Variants in UNC13C observed in about 807,000 individuals in gnomAD.
UNC13C encodes protein unc-13 homolog C.
UNC13C carries 174 observed loss-of-function variants against 245.4 expected under a neutral mutation model. The ratio of observed to expected loss-of-function variants is 0.71; its 90% CI spans 0.63 to 0.80. The LOEUF is 0.80. Among genes scored for constraint, UNC13C ranks in the 30% least tolerant of loss-of-function variants. The pLI, the probability that UNC13C is intolerant of heterozygous loss-of-function variation, is 0.00. For missense variants in UNC13C, 2,829 were observed against 2,602.9 expected, an observed-to-expected ratio of 1.09 and a Z score of -1.89; for synonymous variants, 992 against 895.1, an observed-to-expected ratio of 1.11 and a Z score of -1.93.
intron 24 of UNC13C, among the ~76,000 whole-genome samples, chr15:54,513,802 TA>T (rs1480767971): frequency 8.8e-6 from 1 of 113,234 alleles, no homozygotes; most frequent in Non-Finnish European, 1.8e-5. Context: ...TTTTTCTAAA[TA>T]TTTTTTTTCA....
At chr15:53,972,355 C>G in the UNC13C span, among the ~76,000 whole-genome samples, 1 of 152,152 alleles carries the variant, frequency 6.6e-6, no homozygotes, top group Non-Finnish European at 1.5e-5. Flanking sequence ...AACTAGGAAA[C>G]GGGAGAATCT....
rs571944782 is a variant in UNC13C at position 54,514,480 on chromosome 15, A to G, written c.5457+2650A>G. 5.9e-5 allele frequency among the ~76,000 whole-genome samples: 9 copies of G among 152,336 alleles called. No individual in the cohort carries two copies. The South Asian group carries it at 1.4e-3, about 25-fold the overall frequency. On this transcript the variant is annotated intron_variant, in intron 24 of 32. Transcript: ENST00000260323. ...TATCCCCCACCATCTGTGCTGATAT[A>G]TGTACTTCTTGCTATAAAAATTAAA...
At chr15:54,348,230 G>A (rs1041711596) in intron 17 of UNC13C, among the ~76,000 whole-genome samples, 9 of 151,952 alleles carry the variant, frequency 5.9e-5, no homozygotes, top group African/African-American at 1.9e-4. Context: ...TAAAAAATTC[G>A]GTATGGTCTC....
chr15:54,280,044 G>A (rs897441695), intron 10 of UNC13C, among the ~76,000 whole-genome samples: 1 of 152,108 alleles, frequency 6.6e-6, no homozygotes, highest in African/African-American at 2.4e-5. Flanking sequence ...TAATGTGTGT[G>A]TATACAGATA....
intron 19 of UNC13C, among the ~76,000 whole-genome samples, chr15:54,476,542 C>T (rs1892753444): frequency 6.6e-6 from 1 of 151,626 alleles, no homozygotes; most frequent in Non-Finnish European, 1.5e-5. Flanking sequence ...GCCAGTTTTC[C>T]CAGCACCATT....
chr15:54,204,351 A>G (rs904682874), intron 4 of UNC13C, among the ~76,000 whole-genome samples: 2 of 151,066 alleles, frequency 1.3e-5, no homozygotes, highest in Non-Finnish European at 3.0e-5. Context: ...GTTTTTACAT[A>G]CTGTCAATAA....
chr15:54,099,156 G>C (rs566501873), intron 2 of UNC13C, among the ~76,000 whole-genome samples: 4 of 152,298 alleles, frequency 2.6e-5, no homozygotes, highest in Admixed American at 6.5e-5. Flanking sequence ...GTCAAGAGTA[G>C]AACCAAAAGT....
intron 14 of UNC13C, among the ~76,000 whole-genome samples, chr15:54,325,135 A>G (rs2140984982): frequency 6.6e-6 from 1 of 152,166 alleles, no homozygotes; most frequent in South Asian, 2.1e-4. Context: ...AATATGATAC[A>G]GTCATTAAAA....
chr15:54,060,953 A>T (rs1299424750), intron 2 of UNC13C, among the ~76,000 whole-genome samples: 5 of 150,888 alleles, frequency 3.3e-5, no homozygotes, highest in Non-Finnish European at 5.9e-5. Context: ...AACATCACAC[A>T]CCGGGGACTG....
chr15:53,906,973 T>C, the UNC13C span, among the ~76,000 whole-genome samples: 1 of 145,914 alleles, frequency 6.9e-6, no homozygotes, highest in Non-Finnish European at 1.6e-5. Flanking sequence ...ACCACCCTCA[T>C]AATCCAACCA....
At chr15:54,455,201 CTCTCTATATATA>C (rs1285862101) in intron 19 of UNC13C, among the ~76,000 whole-genome samples, 6 of 33,284 alleles carry the variant, frequency 1.8e-4, no homozygotes, top group South Asian at 2.1e-3. Flanking sequence ...CTCTCTCTCT[CTCTCTATATATA>C]TATATATATA....
In UNC13C at chr15:54,303,819, G is replaced by A. The variant is rs1181986719; in HGVS notation, c.4268+3446G>A. Among the ~76,000 whole-genome samples the A allele has an allele frequency of 5.3e-5, 8 of 152,098 alleles. No homozygotes were observed. The East Asian group carries it at 5.8e-4, about 11-fold the overall frequency. On this transcript the variant is annotated intron_variant, in intron 13 of 32. Transcript: ENST00000260323. The stretch of plus-strand genomic sequence containing the variant: ...GTACATTGGTTCCATCCAGAAAGGC[G>A]GGGTCAACTCACAGCAAGGAGGGGG...
chr15:54,426,805 C>T (rs1212971675), intron 19 of UNC13C, among the ~76,000 whole-genome samples: 1 of 151,742 alleles, frequency 6.6e-6, no homozygotes, highest in African/African-American at 2.4e-5. Context: ...CTCTGTACAT[C>T]AATTTATTCT....
intron 2 of UNC13C, among the ~76,000 whole-genome samples, chr15:54,028,117 T>A (rs994535075): frequency 2.6e-5 from 4 of 152,230 alleles, no homozygotes; most frequent in African/African-American, 9.6e-5. Flanking sequence ...GTGGTGAACT[T>A]ACTGTAGTGA....
chr15:53,850,779 C>T, the UNC13C span, among the ~76,000 whole-genome samples: 2 of 150,364 alleles, frequency 1.3e-5, no homozygotes, highest in African/African-American at 4.9e-5. Flanking sequence ...CTTTCCTGTT[C>T]TCTCTTCTCT....
At chr15:54,585,383 GC>G (rs1180378212) in intron 30 of UNC13C, among the ~76,000 whole-genome samples, 2 of 152,140 alleles carry the variant, frequency 1.3e-5, no homozygotes, top group African/African-American at 2.4e-5. Context: ...TTTGCTTTCT[GC>G]CATGATTGTA....
chr15:54,349,217 T>C (rs1040188810), intron 17 of UNC13C, among the ~76,000 whole-genome samples: 1 of 150,998 alleles, frequency 6.6e-6, no homozygotes, highest in Non-Finnish European at 1.5e-5. Flanking sequence ...GACTAGTATA[T>C]AAAATTTTAC....
intron 19 of UNC13C, among the ~76,000 whole-genome samples, chr15:54,441,326 A>G (rs1370058231): frequency 3.3e-5 from 5 of 152,018 alleles, no homozygotes; most frequent in Non-Finnish European, 7.4e-5. Context: ...TGTTTAATCT[A>G]TGTTTGGTTG....
chr15:54,362,416 T>C (rs2039254965), intron 17 of UNC13C, among the ~76,000 whole-genome samples: 1 of 152,220 alleles, frequency 6.6e-6, no homozygotes, highest in African/African-American at 2.4e-5. Context: ...TCATGCCTTC[T>C]CTCGATACTG....
Sources: gnomAD v4.1 joint callset for allele counts (sites outside exome capture counted in the v4.1 genomes callset) on GRCh38, gnomAD v4.1.1 for gene constraint, MANE v1.5 for transcripts, NCBI Gene and HGNC (gene_info 2026-07-23, HGNC 2026-07-21) for gene names.